Variants in ARPC2 observed in about 807,000 individuals in gnomAD.
The protein encoded by ARPC2 is actin-related protein 2/3 complex subunit 2.
In ARPC2, 4 loss-of-function variants were observed where a neutral mutation model predicts 38.6. The ratio of observed to expected loss-of-function variants is 0.10; its 90% confidence interval spans 0.05 to 0.24. The LOEUF is 0.24. Ranked by LOEUF, ARPC2 falls within the 10% of genes least tolerant of loss-of-function variation. The probability of loss-of-function intolerance (pLI) is 1.00; values close to 1 mark genes in which losing one functional copy is unlikely to be tolerated. For synonymous variants in ARPC2, 125 were observed against 140.8 expected (o/e 0.89, Z 0.79); for missense variants, 229 against 387.3 (o/e 0.59, Z 3.43).
chr2:218,239,178 TCTA>T, intron 6 of ARPC2: 1 of 585,834 alleles, frequency 1.7e-6, no homozygotes, highest in South Asian at 2.2e-5. Flanking sequence ...GTCAATAAAA[TCTA>T]CTTCTGATAA....
chr2:218,243,099 G>A (rs1359405944), intron 7 of ARPC2, among the ~76,000 whole-genome samples: 1 of 152,102 alleles, frequency 6.6e-6, no homozygotes, highest in Admixed American at 6.6e-5. Flanking sequence ...TTTTATACAT[G>A]ATTTTTTCTT....
rs753902159 is a variant in ARPC2, at chr2:218,217,558, C to G, written c.74+14C>G. On this transcript the variant is annotated intron_variant, in intron 2 of 10. Coordinates refer to ENST00000315717, the MANE Select transcript of ARPC2 (RefSeq NM_152862.3). ...CGCGGCCGCCGGGTGAGCGCGCGCC[C>G]GGGGCCGGGGGTGGCGGGGGAAGCA... is the stretch of plus-strand genomic sequence containing the variant. The G allele has an allele frequency of 3.7e-6, 6 of 1,606,394 alleles. No individual in the cohort carries two copies. The Admixed American group carries it at 8.5e-5, about 23-fold the overall frequency.
chr2:218,230,491 G>A (rs1689610117), intron 4 of ARPC2, among the ~76,000 whole-genome samples: 1 of 151,220 alleles, frequency 6.6e-6, no homozygotes, highest in Non-Finnish European at 1.5e-5. Context: ...GAGAGAGGAG[G>A]TTTCACTATG....
intron 2 of ARPC2, among the ~76,000 whole-genome samples, chr2:218,219,848 A>AG (rs1689344118): frequency 6.6e-6 from 1 of 151,858 alleles, no homozygotes; most frequent in African/African-American, 2.4e-5. Context: ...TTTAAAAAAA[A>AG]AGAGACCATG....
At chr2:218,238,564 G>C in intron 5 of ARPC2, 100 bp from the exon 6 acceptor site, 1 of 906,770 alleles carries the variant, frequency 1.1e-6, no homozygotes, top group Non-Finnish European at 1.6e-6. Context: ...TCTAGTCTCT[G>C]TTTACTTGGT....
At chr2:218,227,459 TG>T (rs2106146264) in intron 3 of ARPC2, among the ~76,000 whole-genome samples, 1 of 152,314 alleles carries the variant, frequency 6.6e-6, no homozygotes, top group South Asian at 2.1e-4. Flanking sequence ...AGTCTCACTC[TG>T]TCACCCAGGC....
chr2:218,249,375 C>A lies in ARPC2; in HGVS notation c.688C>A (p.Arg230Ser). Residue 230 changes from arginine to serine, a missense_variant, in exon 9 of 11, where the codon CGT becomes AGT. This residue lies in a region of ARPC2 where 92 missense variants were observed against 152.3 expected (regional missense o/e 0.60). Coordinates refer to ENST00000315717, the MANE Select transcript of ARPC2 (RefSeq NM_152862.3). ...TCTTCCGCCTTCAGTGCTGTTCCCT[C>A]GTCACACCAATGCCAGTGCTCGAGA... The part of the protein sequence containing the change: ...IGYITFVLFP[R>S]HTNASARDNT... 6.2e-7 allele frequency: 1 copy of A among 1,612,630 alleles called. No individual in the cohort carries two copies. Among genetic ancestry groups the A allele is most frequent in the Non-Finnish European group, 8.5e-7 (1 of 1,179,280 alleles).
At chr2:218,236,904 C>T (rs948916400) in intron 5 of ARPC2, among the ~76,000 whole-genome samples, 3 of 152,128 alleles carry the variant, frequency 2.0e-5, no homozygotes, top group Non-Finnish European at 4.4e-5. Flanking sequence ...AAGTTATTCC[C>T]GTCAGTTGCC....
At position 218,245,447 on chromosome 2, in the gene ARPC2, C is replaced by A. The variant is rs770592563; in HGVS notation, c.577C>A (p.His193Asn). The A allele has an allele frequency of 6.2e-7, 1 of 1,614,158 alleles. No homozygotes were observed. The highest frequency in any genetic ancestry group is 1.7e-5 in the Admixed American group (1 of 60,020). Residue 193 changes from histidine to asparagine, a missense_variant, in exon 8 of 11, where the codon CAC (histidine) becomes AAC (asparagine). Coordinates refer to ENST00000315717, the MANE Select transcript of ARPC2 (RefSeq NM_152862.3). The stretch of plus-strand genomic sequence containing the variant: ...GTTCAAAGAAGGACGCAGAGCCAGC[C>A]ACACAGCCCCACAGGTCCTCTTTAG... The part of the protein sequence containing the change: ...QEFKEGRRAS[H>N]TAPQVLFSHR...
At chr2:218,217,670 C>A in intron 2 of ARPC2, 126 bp downstream of exon 2, 3 of 1,037,774 alleles carry the variant, frequency 2.9e-6, no homozygotes, top group Non-Finnish European at 2.8e-6. Flanking sequence ...GTAGGGGCTG[C>A]CCCAGCGGGG....
At chr2:218,250,640 A>G (rs7559424) in intron 10 of ARPC2, among the ~76,000 whole-genome samples, 4,286 of 147,358 alleles carry the variant, frequency 0.029, 229 homozygotes, top group African/African-American at 0.099. Context: ...CTCCAGCCTG[A>G]GCGACAGAGT....
chr2:218,247,812 G>A (rs1358309583), intron 8 of ARPC2, among the ~76,000 whole-genome samples: 1 of 152,086 alleles, frequency 6.6e-6, no homozygotes, highest in African/African-American at 2.4e-5. Flanking sequence ...GCGTGGTGGT[G>A]GGTGCCTGTA....
At chr2:218,252,526 T>C (rs1389425642) in intron 10 of ARPC2, among the ~76,000 whole-genome samples, 3 of 151,918 alleles carry the variant, frequency 2.0e-5, no homozygotes, top group Non-Finnish European at 4.4e-5. Flanking sequence ...TGACCTGGAG[T>C]GTGAGGCAGT....
intron 7 of ARPC2, among the ~76,000 whole-genome samples, chr2:218,241,474 T>C (rs2106155457): frequency 6.6e-6 from 1 of 152,316 alleles, no homozygotes; most frequent in African/African-American, 2.4e-5. Flanking sequence ...TTATGCAGAA[T>C]TGACAGGGGA....
Position 218,254,024 on chromosome 2 carries a change from C to G in ARPC2, c.*109C>G. 1 of 1,463,624 alleles carries G rather than the reference C, an allele frequency of 6.8e-7. No homozygotes were observed. The highest frequency in any genetic ancestry group is 9.4e-7 in the Non-Finnish European group (1 of 1,058,922). The allele number at this position is 1,463,624 out of a possible 1,614,324, so 90.7% of individuals were successfully genotyped here. A position where few individuals can be genotyped will look rare whatever the true frequency, so the allele number is the denominator to read the frequency against. On this transcript the variant is annotated 3_prime_UTR_variant, in exon 11 of 11. Transcript: ENST00000315717. ...CTCTTCAGGTTCTTAAGGGATTCTC[C>G]GTTTTGGTTCCATTTTGTACACGTT...
At chr2:218,224,018 G>A (rs895171772) in intron 2 of ARPC2, among the ~76,000 whole-genome samples, 3 of 152,050 alleles carry the variant, frequency 2.0e-5, no homozygotes, top group Non-Finnish European at 4.4e-5. Flanking sequence ...GTCTCCTTTG[G>A]CCTAATACTC....
chr2:218,248,481 G>A (rs1690100142), intron 8 of ARPC2, among the ~76,000 whole-genome samples: 1 of 152,196 alleles, frequency 6.6e-6, no homozygotes, highest in East Asian at 1.9e-4. Flanking sequence ...CTTTTTTTGA[G>A]ATGGAGTCTT....
intron 4 of ARPC2, among the ~76,000 whole-genome samples, chr2:218,229,685 T>C (rs1689585428): frequency 6.6e-6 from 1 of 152,226 alleles, no homozygotes; most frequent in South Asian, 2.1e-4. Flanking sequence ...GGTCAAAAGC[T>C]TGTTTAATTT....
chr2:218,245,722 G>T (rs1259814002), intron 8 of ARPC2, among the ~76,000 whole-genome samples, 176 bp downstream of exon 8: 1 of 152,198 alleles, frequency 6.6e-6, no homozygotes, highest in Non-Finnish European at 1.5e-5. Flanking sequence ...ATTAATTACA[G>T]AGCAGGCCAT....
Sources: gnomAD v4.1 joint callset for allele counts (sites outside exome capture counted in the v4.1 genomes callset) on GRCh38, gnomAD v4.1.1 for gene constraint, gnomAD v4.1.1 regional missense constraint, MANE v1.5 for transcripts, NCBI Gene and HGNC (gene_info 2026-07-23, HGNC 2026-07-21) for gene names.